MAGI2: variants seen among roughly 807,000 people sequenced by gnomAD.
MAGI2 encodes the protein membrane associated guanylate kinase, WW and PDZ domain containing 2, also known as membrane-associated guanylate kinase, WW and PDZ domain-containing protein 2.
A neutral mutation model predicts 133.3 loss-of-function variants in MAGI2; 35 were observed. That is an observed-to-expected ratio of 0.26 (90% CI 0.20 to 0.35). The LOEUF (loss-of-function observed/expected upper bound fraction) is 0.35. MAGI2 is among the 10% of genes least tolerant of loss of function. The pLI, the probability that MAGI2 is intolerant of heterozygous loss-of-function variation, is 1.00. For missense variants in MAGI2, 1,636 were observed against 1,863.4 expected (o/e 0.88, Z 2.25); for synonymous variants, 729 against 710.6 (o/e 1.03, Z -0.41).
intron 2 of MAGI2, among the ~76,000 whole-genome samples, chr7:78,665,800 C>T (rs1304333751): frequency 6.6e-6 from 1 of 152,076 alleles, no homozygotes; most frequent in African/African-American, 2.4e-5. Flanking sequence ...TGTATTCATT[C>T]ATTAAACTAA....
intron 1 of MAGI2, chr7:79,176,974 T>C (rs1356000087): frequency 6.6e-6 from 1 of 152,022 alleles, no homozygotes; most frequent in South Asian, 2.1e-4. Context: ...TTTGACACTT[T>C]GCAGTGCTTC....
chr7:78,848,151 A>C (rs1792789096), intron 2 of MAGI2, among the ~76,000 whole-genome samples: 1 of 151,632 alleles, frequency 6.6e-6, no homozygotes, highest in African/African-American at 2.4e-5. Context: ...TCTGAAAGGC[A>C]CTCCAAGTTC....
At chr7:78,685,640 C>CTATA (rs137856891) in intron 2 of MAGI2, among the ~76,000 whole-genome samples, 49 of 148,908 alleles carry the variant, frequency 3.3e-4, no homozygotes, top group Non-Finnish European at 5.5e-4. Flanking sequence ...TATACGTAAC[C>CTATA]TATATATATA....
At chr7:79,161,379 T>C (rs1312630424) in intron 1 of MAGI2, among the ~76,000 whole-genome samples, 1 of 152,070 alleles carries the variant, frequency 6.6e-6, no homozygotes, top group African/African-American at 2.4e-5. Flanking sequence ...TTATTGGGGC[T>C]GATGCCAAAA....
intron 20 of MAGI2, among the ~76,000 whole-genome samples, chr7:78,109,799 G>A (rs1819175392): frequency 6.6e-6 from 1 of 152,190 alleles, no homozygotes; most frequent in Admixed American, 6.5e-5. Context: ...TTTGAGGCTA[G>A]TGGGACCCAT....
chr7:78,494,772 T>C (rs1484036551), intron 5 of MAGI2, among the ~76,000 whole-genome samples: 1 of 152,194 alleles, frequency 6.6e-6, no homozygotes, highest in African/African-American at 2.4e-5. Flanking sequence ...CACATTCCTT[T>C]CCTTTGCTCC....
intron 1 of MAGI2, among the ~76,000 whole-genome samples, chr7:79,143,891 A>G (rs1822367249): frequency 6.6e-6 from 1 of 152,224 alleles, no homozygotes; most frequent in African/African-American, 2.4e-5. Flanking sequence ...AAGTCATGTA[A>G]TAAATACCAT....
intron 4 of MAGI2, chr7:78,518,463 T>G (rs951752057): frequency 4.6e-5 from 7 of 152,174 alleles, no homozygotes; most frequent in African/African-American, 1.4e-4. Flanking sequence ...ACAGTTAAGA[T>G]AGTTAAATGA....
At chr7:79,412,735 T>C (rs191992089) in intron 1 of MAGI2, 1 of 152,262 alleles carries the variant, frequency 6.6e-6, no homozygotes, top group Non-Finnish European at 1.5e-5. Flanking sequence ...TACAACACTT[T>C]ACCACTCCAG....
intron 3 of MAGI2, among the ~76,000 whole-genome samples, chr7:78,555,219 T>C (rs1333674234): frequency 2.7e-5 from 3 of 111,186 alleles, no homozygotes; most frequent in African/African-American, 1.4e-4. Context: ...GATAGATAGA[T>C]AGACAGATAG....
chr7:78,273,531 T>C (rs954501265), intron 9 of MAGI2, among the ~76,000 whole-genome samples: 1 of 152,198 alleles, frequency 6.6e-6, no homozygotes. Context: ...GAAGAGTGTT[T>C]TCCACCTTGG....
intron 2 of MAGI2, among the ~76,000 whole-genome samples, chr7:78,683,651 T>G (rs551232808): frequency 3.9e-5 from 6 of 152,186 alleles, no homozygotes; most frequent in African/African-American, 1.4e-4. Context: ...TCCCTCATCT[T>G]TCCACATTCT....
At chr7:79,358,472 T>C (rs959592267) in intron 1 of MAGI2, among the ~76,000 whole-genome samples, 1 of 152,062 alleles carries the variant, frequency 6.6e-6, no homozygotes, top group Non-Finnish European at 1.5e-5. Context: ...AGATGCAATA[T>C]ATATGGTAGT....
At chr7:79,144,775 T>A (rs978403952) in intron 1 of MAGI2, among the ~76,000 whole-genome samples, 6 of 152,176 alleles carry the variant, frequency 3.9e-5, no homozygotes, top group African/African-American at 1.4e-4. Context: ...CAAATGTCAG[T>A]GCTCCAAAGA....
chr7:78,026,664 G>A (rs549742451), intron 21 of MAGI2, among the ~76,000 whole-genome samples: 4 of 152,280 alleles, frequency 2.6e-5, no homozygotes, highest in Admixed American at 6.5e-5. Context: ...GGTGGGGTTC[G>A]GGTGGGGCCG....
chr7:79,369,158 C>T (rs550970321), intron 1 of MAGI2, among the ~76,000 whole-genome samples: 1 of 152,212 alleles, frequency 6.6e-6, no homozygotes, highest in Admixed American at 6.5e-5. Flanking sequence ...AAATAAAGGG[C>T]TTGAGAGCAG....
chr7:79,154,487 AG>A (rs1383511599), intron 1 of MAGI2, among the ~76,000 whole-genome samples: 2 of 152,164 alleles, frequency 1.3e-5, no homozygotes, highest in Non-Finnish European at 2.9e-5. Flanking sequence ...ATCACCTCCT[AG>A]AATTACTAAC....
intron 2 of MAGI2, among the ~76,000 whole-genome samples, chr7:78,921,359 T>A (rs1415511616): frequency 6.6e-6 from 1 of 152,198 alleles, no homozygotes; most frequent in African/African-American, 2.4e-5. Context: ...TTTGGGATAA[T>A]TTATTTGAAA....
chr7:78,769,021 C>G (rs985569663), intron 2 of MAGI2, among the ~76,000 whole-genome samples: 1 of 152,154 alleles, frequency 6.6e-6, no homozygotes, highest in African/African-American at 2.4e-5. Context: ...TTTCACAAAC[C>G]AAAGCCCAAA....
Sources: gnomAD v4.1 joint callset for allele counts (sites outside exome capture counted in the v4.1 genomes callset) on GRCh38, gnomAD v4.1.1 for gene constraint, MANE v1.5 for transcripts, NCBI Gene and HGNC (gene_info 2026-07-23, HGNC 2026-07-21) for gene names.